Variants in CDH11 observed in about 807,000 individuals in gnomAD.
CDH11 encodes the protein cadherin-11.
Under a neutral mutation model 67.8 loss-of-function variants are expected in CDH11, and 11 were observed. The ratio of observed to expected loss-of-function variants is 0.16; its 90% CI spans 0.10 to 0.27. The LOEUF (loss-of-function observed/expected upper bound fraction) is 0.27. Ranked by LOEUF, CDH11 falls within the 10% of genes least tolerant of loss-of-function variation. The pLI is 1.00. For missense variants in CDH11, 847 were observed against 1,031.2 expected, an observed-to-expected ratio of 0.82 and a Z score of 2.45; for synonymous variants, 419 against 400.0, an observed-to-expected ratio of 1.05 and a Z score of -0.57.
intron 1 of CDH11, among the ~76,000 whole-genome samples, chr16:65,085,547 T>C (rs142836537): frequency 1.4e-3 from 208 of 152,328 alleles, no homozygotes; most frequent in African/African-American, 4.6e-3. Flanking sequence ...TTAACACGTG[T>C]CAAAATTAGT....
At chr16:64,986,059 G>GT (rs2142473610) in intron 7 of CDH11, 1 of 152,004 alleles carries the variant, frequency 6.6e-6, no homozygotes, top group East Asian at 1.9e-4. Context: ...AAAACACTAA[G>GT]TTAAAAAATA....
At position 64,946,579 on chromosome 16, in the gene CDH11, A is replaced by G; in HGVS notation, c.*1024T>C. The G allele has an allele frequency of 9.7e-7, 1 of 1,034,052 alleles. No individual in the cohort carries two copies. The highest frequency in any genetic ancestry group is 1.2e-6 in the Non-Finnish European group (1 of 859,342). 64.1% of individuals were successfully genotyped at this position (1,034,052 alleles called of 1,614,324 possible). A position where few individuals can be genotyped will look rare whatever the true frequency, so the allele number is the denominator to read the frequency against. ...GAGGTTAACACCAAGAATGTACAAA[A>G]AAGCTTTACATGATGTTACAGAATC... is the stretch of plus-strand genomic sequence containing the variant. On this transcript the variant is annotated 3_prime_UTR_variant, in exon 13 of 13. Coordinates refer to ENST00000268603, the MANE Select transcript of CDH11 (RefSeq NM_001797.4).
At chr16:64,977,596 TGC>T (rs1385115380) in intron 8 of CDH11, among the ~76,000 whole-genome samples, 1 of 152,238 alleles carries the variant, frequency 6.6e-6, no homozygotes, top group Non-Finnish European at 1.5e-5. Context: ...CATATCTTTC[TGC>T]ACAAAGAGAA....
intron 11 of CDH11, among the ~76,000 whole-genome samples, chr16:64,959,853 G>A (rs771273567): frequency 9.9e-5 from 15 of 152,138 alleles, no homozygotes; most frequent in Non-Finnish European, 1.9e-4. Flanking sequence ...TAGTTCGGGG[G>A]GAAAACAGAA....
intron 2 of CDH11, among the ~76,000 whole-genome samples, chr16:65,020,817 T>C (rs983456668): frequency 6.6e-6 from 1 of 152,194 alleles, no homozygotes; most frequent in Non-Finnish European, 1.5e-5. Context: ...GAAGATCTAG[T>C]AGCTGTAAAA....
chr16:65,118,892 A>G (rs1286172913), intron 1 of CDH11: 1 of 152,198 alleles, frequency 6.6e-6, no homozygotes, highest in Admixed American at 6.5e-5. Flanking sequence ...ACCTACATAC[A>G]TGTATTGAGA....
intron 2 of CDH11, among the ~76,000 whole-genome samples, chr16:65,050,483 C>A (rs970921012): frequency 6.6e-6 from 1 of 152,190 alleles, no homozygotes; most frequent in Non-Finnish European, 1.5e-5. Flanking sequence ...TCAAGAAAGT[C>A]TGGCATCTTG....
Position 64,947,738 on chromosome 16 carries a change from G to A in CDH11, c.2256C>T (p.Ala752=), listed in dbSNP as rs778715297. Reference sequence around the variant, plus strand: ...CCGACTCTAGGGAGCTCAGGGACCCGGCCACTGAGCCCCTGCCTTCATAAC... The same window carrying A: ...CCGACTCTAGGGAGCTCAGGGACCCAGCCACTGAGCCCCTGCCTTCATAAC... The part of the protein sequence containing the change: ...IYGYEGRGSV[A]GSLSSLESAT... The change falls in exon 13 of 13, where the codon GCC becomes GCT. Residue 752 remains alanine, a synonymous_variant. Transcript: ENST00000268603. The A allele has an allele frequency of 6.8e-6, 11 of 1,613,970 alleles. No individual in the cohort carries two copies. The highest frequency in any genetic ancestry group is 4.0e-5 in the African/African-American group (3 of 74,920).
chr16:65,050,927 C>G (rs933126260), intron 2 of CDH11, among the ~76,000 whole-genome samples: 2 of 152,110 alleles, frequency 1.3e-5, no homozygotes, highest in African/African-American at 4.8e-5. Context: ...GGAAATGTCA[C>G]TCGCACATCT....
chr16:65,025,480 C>A (rs2073515304), intron 2 of CDH11, among the ~76,000 whole-genome samples: 1 of 152,024 alleles, frequency 6.6e-6, no homozygotes, highest in Admixed American at 6.5e-5. Flanking sequence ...GTAGCTGGGA[C>A]TAAAGGCACC....
intron 3 of CDH11, 33 bp downstream of exon 3, chr16:65,004,609 G>A (rs776322289): frequency 7.6e-6 from 12 of 1,588,608 alleles, no homozygotes; most frequent in Non-Finnish European, 1.0e-5. Context: ...ATGGTGGGTT[G>A]GAAAGCTCAG....
intron 11 of CDH11, among the ~76,000 whole-genome samples, chr16:64,966,616 T>C (rs1261227516): frequency 7.2e-5 from 11 of 151,988 alleles, no homozygotes; most frequent in Admixed American, 7.2e-4. Context: ...TGACTAAATA[T>C]TTCATAAATA....
At chr16:65,037,473 C>T (rs930531945) in intron 2 of CDH11, among the ~76,000 whole-genome samples, 8 of 152,086 alleles carry the variant, frequency 5.3e-5, no homozygotes, top group African/African-American at 1.4e-4. Context: ...CCCATCACCC[C>T]GACTCCTGTT....
At chr16:65,032,633 G>A (rs1343723960) in intron 2 of CDH11, among the ~76,000 whole-genome samples, 1 of 152,118 alleles carries the variant, frequency 6.6e-6, no homozygotes, top group Non-Finnish European at 1.5e-5. Flanking sequence ...AGCAAAAACA[G>A]TCAAAGAAAA....
At chr16:65,048,248 T>C (rs138520120) in intron 2 of CDH11, among the ~76,000 whole-genome samples, 1 of 152,182 alleles carries the variant, frequency 6.6e-6, no homozygotes, top group East Asian at 1.9e-4. Flanking sequence ...AAAACTCAAG[T>C]GGAGAGCAGA....
In CDH11 at chr16:64,984,234, G is replaced by A. The variant is rs78965017; in HGVS notation, c.1000-1933C>T. ...CATTTCCCTCCCCAGCGAGGTGGGG[G>A]TTGGAGTGGAATGGAGGGGAGCATC... On this transcript the variant is annotated intron_variant, in intron 7 of 12. Coordinates refer to ENST00000268603, the MANE Select transcript of CDH11 (RefSeq NM_001797.4). Among the ~76,000 whole-genome samples the A allele has an allele frequency of 2.4e-3, 362 of 152,332 alleles. 1 individual carries two copies. The highest frequency in any genetic ancestry group is 8.3e-3 in the African/African-American group (347 of 41,584).
At chr16:65,087,517 T>A (rs554199792) in intron 1 of CDH11, among the ~76,000 whole-genome samples, 1 of 152,326 alleles carries the variant, frequency 6.6e-6, no homozygotes, top group Admixed American at 6.5e-5. Flanking sequence ...TTGCTCTTAA[T>A]ATTTTTATCA....
intron 11 of CDH11, among the ~76,000 whole-genome samples, chr16:64,957,600 GC>G (rs2071548780): frequency 6.9e-6 from 1 of 145,028 alleles, no homozygotes; most frequent in Non-Finnish European, 1.5e-5. Flanking sequence ...ACATGCCCGT[GC>G]ACACACACAC....
At chr16:65,059,943 T>C (rs7498801) in intron 1 of CDH11, among the ~76,000 whole-genome samples, 56,901 of 152,014 alleles carry the variant, frequency 0.37, 11,121 homozygotes, top group Middle Eastern at 0.46. Flanking sequence ...ATTTTATCTG[T>C]ATTTCTTGCC....
Sources: allele counts gnomAD v4.1 joint callset (sites outside exome capture counted in the v4.1 genomes callset), GRCh38; gene constraint gnomAD v4.1.1; transcripts MANE v1.5; gene names NCBI Gene and HGNC (gene_info 2026-07-23, HGNC 2026-07-21).